The following LRRIQ3 variants were observed in gnomAD, a reference collection of about 807,000 sequenced individuals.
LRRIQ3 encodes leucine rich repeats and IQ motif containing 3.
A neutral mutation model predicts 59.3 loss-of-function variants in LRRIQ3; 75 were observed. The observed-to-expected ratio is 1.26, with a 90% CI of 1.05 to 1.53. The LOEUF (loss-of-function observed/expected upper bound fraction) is 1.53, where lower values mean the gene tolerates loss of function less well. Among genes scored for constraint, LRRIQ3 ranks in the 40% most tolerant of loss-of-function variants. The pLI is 0.00. For missense variants in LRRIQ3, 831 were observed against 710.0 expected, an observed-to-expected ratio of 1.17 and a Z score of -1.94; for synonymous variants, 250 against 231.3, an observed-to-expected ratio of 1.08 and a Z score of -0.73.
intron 5 of LRRIQ3, among the ~76,000 whole-genome samples, chr1:74,107,633 A>C (rs928703387): frequency 1.3e-5 from 2 of 150,208 alleles, no homozygotes; most frequent in Admixed American, 6.6e-5. Context: ...AGAGAATAAT[A>C]TATCAACTAA....
intron 6 of LRRIQ3, among the ~76,000 whole-genome samples, chr1:74,065,951 C>T (rs1228730257): frequency 6.6e-6 from 1 of 152,044 alleles, no homozygotes; most frequent in Non-Finnish European, 1.5e-5. Context: ...CTTTGGGAGG[C>T]CGAGGTGAGT....
intron 5 of LRRIQ3, among the ~76,000 whole-genome samples, chr1:74,101,652 A>G (rs1646534861): frequency 6.6e-6 from 1 of 152,192 alleles, no homozygotes; most frequent in African/African-American, 2.4e-5. Flanking sequence ...AAGACTTGGA[A>G]CCAACCCAAA....
intron 6 of LRRIQ3, among the ~76,000 whole-genome samples, chr1:74,060,378 TTCC>T (rs965004428): frequency 3.3e-5 from 5 of 151,152 alleles, no homozygotes; most frequent in Admixed American, 6.6e-5. Flanking sequence ...CCTCATCCTC[TTCC>T]TCCTCCTCAT....
At chr1:74,060,995 C>T (rs968870296) in intron 6 of LRRIQ3, among the ~76,000 whole-genome samples, 1 of 152,118 alleles carries the variant, frequency 6.6e-6, no homozygotes, top group African/African-American at 2.4e-5. Flanking sequence ...CGGGAGATGT[C>T]ACAACTTTCA....
chr1:74,140,311 A>G (rs768414914), intron 4 of LRRIQ3, among the ~76,000 whole-genome samples: 5 of 152,078 alleles, frequency 3.3e-5, no homozygotes, highest in Middle Eastern at 3.4e-3. Context: ...CATAAAGATT[A>G]CTAGATGAAT....
intron 4 of LRRIQ3, among the ~76,000 whole-genome samples, chr1:74,140,120 T>C (rs144791593): frequency 2.1e-3 from 315 of 152,012 alleles, no homozygotes; most frequent in African/African-American, 7.1e-3. Context: ...CCAAATATGA[T>C]AGTTAATATA....
At chr1:74,129,501 C>T (rs1230421129) in intron 4 of LRRIQ3, among the ~76,000 whole-genome samples, 1 of 151,984 alleles carries the variant, frequency 6.6e-6, no homozygotes, top group African/African-American at 2.4e-5. Flanking sequence ...CCCTCTGGAC[C>T]AGAGAGGGTA....
intron 1 of LRRIQ3, among the ~76,000 whole-genome samples, chr1:74,195,296 CTA>C (rs1651038745): frequency 6.6e-6 from 1 of 152,140 alleles, no homozygotes; most frequent in Non-Finnish European, 1.5e-5. Context: ...AAGTACAGCC[CTA>C]GCTTGGCCTG....
intron 5 of LRRIQ3, among the ~76,000 whole-genome samples, chr1:74,101,585 T>C (rs1178547412): frequency 1.3e-5 from 2 of 152,302 alleles, no homozygotes; most frequent in East Asian, 3.9e-4. Flanking sequence ...TTATAAATCA[T>C]GCTGCTATAA....
chr1:74,040,100 C>A (rs1570009550), intron 7 of LRRIQ3, among the ~76,000 whole-genome samples: 1 of 151,914 alleles, frequency 6.6e-6, no homozygotes, highest in African/African-American at 2.4e-5. Flanking sequence ...ATTTACCAAG[C>A]AAATGGAAAG....
At chr1:74,152,793 T>G (rs191867716) in intron 4 of LRRIQ3, among the ~76,000 whole-genome samples, 283 of 152,260 alleles carry the variant, frequency 1.9e-3, no homozygotes, top group Non-Finnish European at 3.2e-3. Context: ...GGGGTGTTGT[T>G]AGAAAAGTAA....
intron 6 of LRRIQ3, among the ~76,000 whole-genome samples, chr1:74,046,561 C>T (rs965450735): frequency 6.6e-6 from 1 of 152,220 alleles, no homozygotes; most frequent in South Asian, 2.1e-4. Flanking sequence ...GACTAAAACA[C>T]CAAAAGCAAC....
chr1:74,155,387 G>T (rs902093344), intron 4 of LRRIQ3, among the ~76,000 whole-genome samples: 5 of 152,182 alleles, frequency 3.3e-5, no homozygotes, highest in African/African-American at 9.7e-5. Context: ...GATTGACGTG[G>T]TAGCAGATGT....
intron 4 of LRRIQ3, among the ~76,000 whole-genome samples, chr1:74,123,930 A>C (rs972314359): frequency 1.3e-5 from 2 of 151,778 alleles, no homozygotes; most frequent in African/African-American, 2.4e-5. Context: ...CAACAATGCC[A>C]ATGTCAAATT....
intron 3 of LRRIQ3, among the ~76,000 whole-genome samples, chr1:74,168,642 G>A (rs891565963): frequency 6.6e-6 from 1 of 151,786 alleles, no homozygotes; most frequent in Non-Finnish European, 1.5e-5. Context: ...TTTGTTTTCT[G>A]TTAGATTCCT....
chr1:74,073,541 CAAAAT>C (rs1382928326), intron 6 of LRRIQ3, among the ~76,000 whole-genome samples: 14 of 150,668 alleles, frequency 9.3e-5, no homozygotes, highest in African/African-American at 3.4e-4. Flanking sequence ...AACAAACAAA[CAAAAT>C]AAAAAGACCA....
At chr1:74,111,563 G>A (rs1184674274) in intron 4 of LRRIQ3, among the ~76,000 whole-genome samples, 2 of 152,020 alleles carry the variant, frequency 1.3e-5, no homozygotes, top group Non-Finnish European at 2.9e-5. Context: ...GAATAGAGAT[G>A]TGAGAAATTC....
At chr1:74,037,224 T>C (rs1382126720) in intron 7 of LRRIQ3, among the ~76,000 whole-genome samples, 3 of 152,274 alleles carry the variant, frequency 2.0e-5, no homozygotes, top group Admixed American at 6.5e-5. Context: ...GATTATTTTC[T>C]TGAGGGGGTG....
intron 5 of LRRIQ3, among the ~76,000 whole-genome samples, chr1:74,105,147 T>A (rs1174713468): frequency 2.0e-5 from 3 of 152,032 alleles, no homozygotes; most frequent in Admixed American, 1.3e-4. Context: ...TATAAACCTT[T>A]AGAAAGCAAT....
Sources: allele counts gnomAD v4.1 joint callset (sites outside exome capture counted in the v4.1 genomes callset), GRCh38; gene constraint gnomAD v4.1.1; transcripts MANE v1.5; gene names NCBI Gene and HGNC (gene_info 2026-07-23, HGNC 2026-07-21).